NMNAT3: variants seen among roughly 807,000 people sequenced by gnomAD.
The protein encoded by NMNAT3 is nicotinamide/nicotinic acid mononucleotide adenylyltransferase 3.
In NMNAT3, 21 loss-of-function variants were observed where a neutral mutation model predicts 24.8. The ratio of observed to expected loss-of-function variants is 0.85; its 90% CI spans 0.60 to 1.22. The LOEUF is 1.22. Ranked by LOEUF, NMNAT3 falls within the 50% of genes most tolerant of loss-of-function variation. The pLI, the probability that NMNAT3 is intolerant of heterozygous loss-of-function variation, is 0.00. For synonymous variants in NMNAT3, 136 were observed against 155.2 expected (o/e 0.88, Z 0.92); for missense variants, 387 against 436.6 (o/e 0.89, Z 1.01).
chr3:139,601,636 G>C (rs1257463109), intron 3 of NMNAT3, among the ~76,000 whole-genome samples: 1 of 152,170 alleles, frequency 6.6e-6, no homozygotes. Context: ...TCAAGCCAGA[G>C]AGTGTACCAG....
At chr3:139,567,324 C>T (rs1266010968) in intron 6 of NMNAT3, 1 of 152,148 alleles carries the variant, frequency 6.6e-6, no homozygotes, top group Non-Finnish European at 1.5e-5. Context: ...ATTTGACTTC[C>T]TCTTTTCCTA....
At chr3:139,611,951 G>T (rs1976636) in intron 3 of NMNAT3, among the ~76,000 whole-genome samples, 141,280 of 152,050 alleles carry the variant, frequency 0.93, 66,557 homozygotes, top group East Asian at 1. Context: ...GCGGATCACC[G>T]GAGGTCGGGA....
chr3:139,574,005 T>G (rs983520390), intron 5 of NMNAT3, among the ~76,000 whole-genome samples: 3 of 152,096 alleles, frequency 2.0e-5, no homozygotes, highest in Admixed American at 1.3e-4. Context: ...GAGTAGGGGT[T>G]AAGGACATGG....
At chr3:139,587,406 G>A (rs756416535) in intron 3 of NMNAT3, among the ~76,000 whole-genome samples, 5 of 152,146 alleles carry the variant, frequency 3.3e-5, no homozygotes, top group Non-Finnish European at 7.4e-5. Flanking sequence ...GAGAAGCTGA[G>A]GAGGCTTCAA....
At chr3:139,623,754 T>C (rs2108298817) in intron 3 of NMNAT3, among the ~76,000 whole-genome samples, 1 of 152,288 alleles carries the variant, frequency 6.6e-6, no homozygotes, top group East Asian at 1.9e-4. Context: ...GGCTAATTTT[T>C]GTATTTTTAG....
chr3:139,607,881 A>C (rs1224170407), intron 3 of NMNAT3, among the ~76,000 whole-genome samples: 2 of 152,254 alleles, frequency 1.3e-5, no homozygotes, highest in African/African-American at 4.8e-5. Flanking sequence ...TTTTCCCTAT[A>C]ATTATCAGTA....
intron 2 of NMNAT3, chr3:139,636,461 G>C (rs1228475862): frequency 6.6e-6 from 1 of 152,184 alleles, no homozygotes; most frequent in East Asian, 1.9e-4. Context: ...ACAAAAACCA[G>C]ACGCTGTCCT....
chr3:139,592,255 G>A (rs1397826649), intron 3 of NMNAT3, among the ~76,000 whole-genome samples: 4 of 152,144 alleles, frequency 2.6e-5, no homozygotes, highest in Non-Finnish European at 5.9e-5. Context: ...GAAGTGAGAA[G>A]GGAAGTTTAG....
chr3:139,578,261 T>C (rs764974844), intron 5 of NMNAT3, among the ~76,000 whole-genome samples: 14 of 152,192 alleles, frequency 9.2e-5, no homozygotes, highest in Non-Finnish European at 1.9e-4. Context: ...TGAATACAAA[T>C]AGAAATTCCA....
chr3:139,620,420 A>C (rs1482051067), intron 3 of NMNAT3, among the ~76,000 whole-genome samples: 7 of 152,174 alleles, frequency 4.6e-5, no homozygotes, highest in Non-Finnish European at 8.8e-5. Flanking sequence ...AACAGAATTC[A>C]TATACTATAT....
At chr3:139,654,903 C>T (rs1002971092) in intron 1 of NMNAT3, among the ~76,000 whole-genome samples, 10 of 152,146 alleles carry the variant, frequency 6.6e-5, no homozygotes, top group Non-Finnish European at 1.3e-4. Context: ...TGCTCACCTG[C>T]CTGTGCTGGT....
chr3:139,581,457 A>T (rs1004620101), intron 4 of NMNAT3, among the ~76,000 whole-genome samples: 6 of 152,132 alleles, frequency 3.9e-5, no homozygotes, highest in Admixed American at 3.9e-4. Context: ...CCATCAACAG[A>T]TAAACAGATA....
chr3:139,620,858 A>G (rs1203129299), intron 3 of NMNAT3, among the ~76,000 whole-genome samples: 7 of 152,188 alleles, frequency 4.6e-5, no homozygotes, highest in Non-Finnish European at 1.0e-4. Context: ...CAGTGGTGCA[A>G]TCATAGCTCA....
chr3:139,561,505 G>A, intron 6 of NMNAT3, 113 bp from the exon 7 acceptor site: 1 of 983,200 alleles, frequency 1.0e-6, no homozygotes, highest in Non-Finnish European at 1.5e-6. Flanking sequence ...AGAACTCAGT[G>A]TCTCCATGTT....
intron 3 of NMNAT3, among the ~76,000 whole-genome samples, chr3:139,599,697 T>C (rs528835706): frequency 6.6e-5 from 10 of 152,340 alleles, no homozygotes; most frequent in South Asian, 4.1e-4. Context: ...TTTAGCACCA[T>C]TGTCTTTATT....
At chr3:139,580,835 G>A (rs1172014831) in intron 4 of NMNAT3, among the ~76,000 whole-genome samples, 6 of 150,906 alleles carry the variant, frequency 4.0e-5, no homozygotes, top group Non-Finnish European at 7.4e-5. Context: ...GGCAATCACC[G>A]CTTTAATCAA....
chr3:139,596,964 A>ATATATT (rs1405063694), intron 3 of NMNAT3, among the ~76,000 whole-genome samples: 19 of 108,546 alleles, frequency 1.8e-4, no homozygotes, highest in Non-Finnish European at 2.8e-4. Flanking sequence ...ATATATATAT[A>ATATATT]TTTTTATTAC....
chr3:139,609,648 A>AACTT (rs2055110534), intron 3 of NMNAT3: 1 of 81,790 alleles, frequency 1.2e-5, no homozygotes, highest in Non-Finnish European at 2.6e-5. Flanking sequence ...TGTGGTTTGC[A>AACTT]ACTTACTTGT....
intron 1 of NMNAT3, among the ~76,000 whole-genome samples, chr3:139,661,248 C>G (rs1178881449): frequency 6.6e-6 from 1 of 152,156 alleles, no homozygotes; most frequent in African/African-American, 2.4e-5. Context: ...GAGCCTGTTC[C>G]CAAGATTTGC....
Sources: allele counts gnomAD v4.1 joint callset (sites outside exome capture counted in the v4.1 genomes callset), GRCh38; gene constraint gnomAD v4.1.1; transcripts MANE v1.5; gene names NCBI Gene and HGNC (gene_info 2026-07-23, HGNC 2026-07-21).